ZNHIT6: variants seen among roughly 807,000 people sequenced by gnomAD.
ZNHIT6 encodes the protein zinc finger HIT-type containing 6, also known as box C/D snoRNA protein 1.
Under a neutral mutation model 57.2 loss-of-function variants are expected in ZNHIT6, and 45 were observed. The observed-to-expected ratio is 0.79, with a 90% confidence interval of 0.62 to 1.01. ZNHIT6 has a LOEUF of 1.01. Among genes scored for constraint, ZNHIT6 ranks in the 50% least tolerant of loss-of-function variants. The probability of loss-of-function intolerance (pLI) is 0.00; values close to 1 mark genes in which losing one functional copy is unlikely to be tolerated. For missense variants in ZNHIT6, 528 were observed against 567.3 expected, an observed-to-expected ratio of 0.93 and a Z score of 0.70; for synonymous variants, 188 against 190.0, an observed-to-expected ratio of 0.99 and a Z score of 0.09.
chr1:85,696,074 T>C (rs1279389721), intron 5 of ZNHIT6, among the ~76,000 whole-genome samples: 1 of 152,108 alleles, frequency 6.6e-6, no homozygotes, highest in African/African-American at 2.4e-5. Context: ...CTGTGAAGTT[T>C]TTCTTATCTA....
At chr1:85,690,886 C>T (rs1441274514) in intron 5 of ZNHIT6, among the ~76,000 whole-genome samples, 4 of 152,022 alleles carry the variant, frequency 2.6e-5, no homozygotes, top group East Asian at 1.9e-4. Flanking sequence ...ATTAGCCAGG[C>T]GTGGTGGGGC....
At position 85,708,113 on chromosome 1, in the gene ZNHIT6, CT is replaced by C; in HGVS notation, c.171del (p.Ile57MetfsTer19). On this transcript the variant is annotated frameshift_variant, in exon 1 of 10. Coordinates refer to ENST00000370574, the MANE Select transcript of ZNHIT6 (RefSeq NM_017953.4). LOFTEE classifies it high-confidence loss of function. ...TGTCCACTTCCTTCCTCTCCATCCC[CT>C]ATCTCCTTTATCCCTGTCAGCCCTG... The part of the protein sequence containing the change: ...EGTGLTGIKE[I>X]GDGEEGSGQR... 1 of 1,614,122 alleles carries C rather than the reference CT, an allele frequency of 6.2e-7. No homozygotes were observed. Among genetic ancestry groups the C allele is most frequent in the South Asian group, 1.1e-5 (1 of 91,086 alleles).
intron 5 of ZNHIT6, among the ~76,000 whole-genome samples, chr1:85,694,707 G>A (rs374264809): frequency 1.2e-4 from 18 of 152,262 alleles, no homozygotes; most frequent in African/African-American, 3.4e-4. Flanking sequence ...TGATCCGCCC[G>A]CCTTGGCCTC....
chr1:85,657,742 T>C (rs1661100415), intron 9 of ZNHIT6, 105 bp downstream of exon 9: 19 of 1,128,486 alleles, frequency 1.7e-5, no homozygotes, highest in Non-Finnish European at 2.4e-5. Flanking sequence ...CCTGTAAGTG[T>C]GTAAATATAG....
In ZNHIT6 at chr1:85,708,197, T is replaced by A; in HGVS notation, c.88A>T (p.Arg30Trp). 6.2e-7 allele frequency: 1 copy of A among 1,614,124 alleles called. No individual in the cohort carries two copies. Among genetic ancestry groups the A allele is most frequent in the Non-Finnish European group, 8.5e-7 (1 of 1,180,030 alleles). The change falls in exon 1 of 10, where the codon AGG (arginine) becomes TGG (tryptophan). Residue 30 changes from arginine to tryptophan, a missense_variant. Arg to Trp is a moderately radical substitution (Grantham distance 101). Transcript: ENST00000370574. The stretch of plus-strand genomic sequence containing the variant: ...CCTGCTAAGTCCCTTACTCCCTCCC[T>A]GCCAGGCTCTGGACTTAGCCGCACC... Reference protein sequence around the residue: ...EGVRLSPEPGREGVRDLAGAE... With the variant: ...EGVRLSPEPGWEGVRDLAGAE...
chr1:85,693,346 A>C (rs1479807133), intron 5 of ZNHIT6, among the ~76,000 whole-genome samples: 1 of 152,172 alleles, frequency 6.6e-6, no homozygotes, highest in Non-Finnish European at 1.5e-5. Flanking sequence ...AACGTGAGTG[A>C]GTAAGTAATA....
intron 8 of ZNHIT6, among the ~76,000 whole-genome samples, chr1:85,658,611 C>A (rs1355089582): frequency 6.6e-6 from 1 of 151,976 alleles, no homozygotes; most frequent in African/African-American, 2.4e-5. Context: ...GTGGCTCACA[C>A]CTGTAATCCC....
At chr1:85,668,140 C>T (rs868835077) in intron 8 of ZNHIT6, among the ~76,000 whole-genome samples, 6 of 150,686 alleles carry the variant, frequency 4.0e-5, no homozygotes, top group East Asian at 1.9e-4. Context: ...ATGACCTTTA[C>T]GTTTTAAATA....
chr1:85,697,343 T>C (rs1008353619), intron 5 of ZNHIT6, among the ~76,000 whole-genome samples: 3 of 134,876 alleles, frequency 2.2e-5, no homozygotes, highest in East Asian at 2.3e-4. Flanking sequence ...TTTTGGCTTC[T>C]GGATGGGATG....
chr1:85,664,924 C>T (rs567939703), intron 8 of ZNHIT6, among the ~76,000 whole-genome samples: 72 of 152,242 alleles, frequency 4.7e-4, no homozygotes, highest in African/African-American at 1.6e-3. Context: ...CTCTGCTTCT[C>T]GGGTTCAAGC....
intron 5 of ZNHIT6, among the ~76,000 whole-genome samples, chr1:85,694,345 T>A (rs186237148): frequency 6.3e-4 from 96 of 152,324 alleles, no homozygotes; most frequent in Non-Finnish European, 1.1e-3. Context: ...TAAAATGGGT[T>A]AATGGATGGA....
chr1:85,688,378 A>G (rs528281247), intron 5 of ZNHIT6, among the ~76,000 whole-genome samples: 1 of 152,352 alleles, frequency 6.6e-6, no homozygotes, highest in Admixed American at 6.5e-5. Context: ...CTGATCTGCT[A>G]TATTATTACG....
intron 7 of ZNHIT6, 123 bp from the exon 8 acceptor site, chr1:85,677,436 G>A: frequency 3.1e-6 from 2 of 648,534 alleles, no homozygotes; most frequent in Non-Finnish European, 4.7e-6. Flanking sequence ...GCATAGAAAA[G>A]GAGATAAAGA....
intron 8 of ZNHIT6, among the ~76,000 whole-genome samples, chr1:85,673,388 C>T (rs545744072): frequency 4.6e-5 from 7 of 152,242 alleles, no homozygotes; most frequent in African/African-American, 9.6e-5. Flanking sequence ...ATTCTAGGAT[C>T]GCAATTTAAA....
intron 5 of ZNHIT6, among the ~76,000 whole-genome samples, chr1:85,694,374 A>G (rs1662300840): frequency 6.6e-6 from 1 of 152,240 alleles, no homozygotes; most frequent in African/African-American, 2.4e-5. Context: ...TGATAAAGCA[A>G]TTATTGTAAA....
intron 8 of ZNHIT6, among the ~76,000 whole-genome samples, chr1:85,672,865 T>C (rs927092155): frequency 2.6e-5 from 4 of 151,130 alleles, no homozygotes; most frequent in African/African-American, 9.7e-5. Flanking sequence ...ACAAAATGTA[T>C]CTAAATTTCT....
In ZNHIT6 at chr1:85,667,961, A is replaced by AAAAAAATGTATATATATATATATAT; in HGVS notation, c.1247+9274_1247+9275insATATATATATATATATACATTTTTT. Reference sequence around the variant, plus strand: ...ACTCTCTCTTTCAAAAAAAAAAAAAAATATATATATATATATATATATATG... The same window carrying AAAAAAATGTATATATATATATATAT: ...ACTCTCTCTTTCAAAAAAAAAAAAAAAAAAAATGTATATATATATATATATATATATATATATATATATATATATG... On this transcript the variant is annotated intron_variant, in intron 8 of 9. Coordinates refer to ENST00000370574, the MANE Select transcript of ZNHIT6 (RefSeq NM_017953.4). Among the ~76,000 whole-genome samples the AAAAAAATGTATATATATATATATAT allele has an allele frequency of 5.5e-4, 10 of 18,200 alleles. 2 individuals are homozygous for AAAAAAATGTATATATATATATATAT. The East Asian group carries it at 0.01, about 19-fold the overall frequency. 11.9% of individuals were successfully genotyped at this position (18,200 alleles called of 152,430 possible).
intron 1 of ZNHIT6, among the ~76,000 whole-genome samples, 192 bp downstream of exon 1, chr1:85,707,436 TG>T (rs1662717148): frequency 6.6e-6 from 1 of 152,190 alleles, no homozygotes; most frequent in Non-Finnish European, 1.5e-5. Flanking sequence ...GTATTTTCAC[TG>T]AATTTGTTGT....
intron 8 of ZNHIT6, among the ~76,000 whole-genome samples, chr1:85,662,237 C>G (rs1015323719): frequency 2.6e-5 from 4 of 151,516 alleles, no homozygotes; most frequent in Non-Finnish European, 5.9e-5. Flanking sequence ...TATGTCCCAT[C>G]TGATCACTGA....
Sources: allele counts gnomAD v4.1 joint callset (sites outside exome capture counted in the v4.1 genomes callset), GRCh38; gene constraint gnomAD v4.1.1; transcripts MANE v1.5; gene names NCBI Gene and HGNC (gene_info 2026-07-23, HGNC 2026-07-21).